The following PCDHGC3 variants were observed in gnomAD, a reference collection of about 807,000 sequenced individuals.
PCDHGC3 encodes protocadherin gamma subfamily C, 3.
PCDHGC3 carries 26 observed loss-of-function variants against 59.2 expected under a neutral mutation model. The observed-to-expected ratio is 0.44, with a 90% CI of 0.32 to 0.61. The LOEUF (loss-of-function observed/expected upper bound fraction) is 0.61. Among genes scored for constraint, PCDHGC3 ranks in the 20% least tolerant of loss-of-function variants. The pLI, the probability that PCDHGC3 is intolerant of heterozygous loss-of-function variation, is 0.05. For missense variants in PCDHGC3, 1,080 were observed against 1,221.8 expected (o/e 0.88, Z 1.73); for synonymous variants, 487 against 519.7 (o/e 0.94, Z 0.86).
At position 141,511,916 on chromosome 5, in the gene PCDHGC3, C is replaced by T. The variant is rs2099884006; in HGVS notation, c.*743C>T. ...CCACCTCCTCCTCAAACAAGAGACT[C>T]CACTGCATGTTCCAAGACAGTATGG... On this transcript the variant is annotated 3_prime_UTR_variant, in exon 4 of 4. Coordinates refer to ENST00000308177, the MANE Select transcript of PCDHGC3 (RefSeq NM_002588.4). The T allele has an allele frequency of 6.4e-6, 1 of 156,466 alleles. No individual in the cohort carries two copies. The highest frequency in any genetic ancestry group is 2.4e-5 in the African/African-American group (1 of 41,474). The allele number at this position is 156,466 out of a possible 1,614,324, so 9.7% of individuals were successfully genotyped here.
intron 2 of PCDHGC3, among the ~76,000 whole-genome samples, chr5:141,502,829 C>A (rs1034808123): frequency 2.0e-5 from 3 of 150,428 alleles, no homozygotes; most frequent in African/African-American, 7.4e-5. Context: ...CTTGGGGAAG[C>A]CTGGACTGGC....
chr5:141,476,000 T>A lies in PCDHGC3; in HGVS notation c.-117T>A, dbSNP rs2099383773. ...ACAGCCGGCGAGCAAATCAACGGCA[T>A]CCAGAAAGCCATGTCGGACTCGGCG... is the stretch of plus-strand genomic sequence containing the variant. On this transcript the variant is annotated 5_prime_UTR_variant, in exon 1 of 4. Coordinates refer to ENST00000308177, the MANE Select transcript of PCDHGC3 (RefSeq NM_002588.4). The A allele has an allele frequency of 1.6e-6, 2 of 1,225,380 alleles. No individual in the cohort carries two copies. The highest frequency in any genetic ancestry group is 1.5e-5 in the African/African-American group (1 of 66,330). The allele number at this position is 1,225,380 out of a possible 1,614,324, so 75.9% of individuals were successfully genotyped here.
chr5:141,505,468 G>A lies in PCDHGC3; in HGVS notation c.2565G>A (p.Leu855=). 1 of 1,614,212 alleles carries A rather than the reference G, an allele frequency of 6.2e-7. No homozygotes were observed. Among genetic ancestry groups the A allele is most frequent in the Non-Finnish European group, 8.5e-7 (1 of 1,180,020 alleles). The change falls in exon 3 of 4, where the codon TTG becomes TTA. Residue 855 remains leucine (L), a synonymous_variant. Coordinates refer to ENST00000308177, the MANE Select transcript of PCDHGC3 (RefSeq NM_002588.4). The stretch of plus-strand genomic sequence containing the variant: ...CAGAGATGCTGCAAGCCATGATCTT[G>A]GCGTCCGCCAGTGGTAAGTGGTGTC... The part of the protein sequence containing the change: ...FDTEMLQAMI[L]ASASEAADGS...
chr5:141,489,594 T>A lies in PCDHGC3; in HGVS notation c.2431-5213T>A. The A allele has an allele frequency of 2.5e-6, 4 of 1,614,076 alleles. No homozygotes were observed. Among genetic ancestry groups the A allele is most frequent in the Non-Finnish European group, 3.4e-6 (4 of 1,179,982 alleles). ...CTGAACACCCCCTGGAGCTAATCCG[T>A]GTAGAGGTAGAGATCCTGGATCTCA... On this transcript the variant is annotated intron_variant, in intron 1 of 3. Coordinates refer to ENST00000308177, the MANE Select transcript of PCDHGC3 (RefSeq NM_002588.4). This position sits in a 1 kb window ranked among gnomAD's most constrained non-coding sequence, Gnocchi z 4.5.
chr5:141,509,872 G>T (rs968745661), intron 3 of PCDHGC3, among the ~76,000 whole-genome samples: 16 of 152,166 alleles, frequency 1.1e-4, no homozygotes, highest in Non-Finnish European at 1.5e-5. Context: ...CCAAGCTGCT[G>T]GTGGTGATGG....
In PCDHGC3 at chr5:141,489,432, G is replaced by A. The variant is rs2099687138; in HGVS notation, c.2431-5375G>A. ...TGACAGATCTGTTGAGCCGGCGGCTGCAATTGGGCTCTGAGGAGAATGGGC... is the reference window on the plus strand; with the variant it reads ...TGACAGATCTGTTGAGCCGGCGGCTACAATTGGGCTCTGAGGAGAATGGGC... On this transcript the variant is annotated intron_variant, in intron 1 of 3. Transcript: ENST00000308177. The surrounding 1 kb of genome is among the most constrained non-coding windows in gnomAD (Gnocchi z 4.5). 3.1e-6 allele frequency: 5 copies of A among 1,614,166 alleles called. No individual in the cohort carries two copies. Among genetic ancestry groups the A allele is most frequent in the Non-Finnish European group, 4.2e-6 (5 of 1,180,036 alleles).
At chr5:141,506,444 CAAAAAAAA>C (rs1219684339) in intron 3 of PCDHGC3, among the ~76,000 whole-genome samples, 24 of 95,024 alleles carry the variant, frequency 2.5e-4, no homozygotes, top group African/African-American at 9.5e-4. Flanking sequence ...CGCTCTGTCT[CAAAAAAAA>C]AAAAAAAAAA....
intron 1 of PCDHGC3, chr5:141,478,935 A>G: frequency 1.6e-6 from 1 of 638,574 alleles, no homozygotes. Flanking sequence ...GGCAGCTTCT[A>G]GGAATACAAA....
Position 141,485,626 on chromosome 5 carries a change from T to A in PCDHGC3, c.2430+7080T>A, listed in dbSNP as rs2099616815. 6.2e-7 allele frequency: 1 copy of A among 1,611,740 alleles called. No individual in the cohort carries two copies. On this transcript the variant is annotated intron_variant, in intron 1 of 3. Coordinates refer to ENST00000308177, the MANE Select transcript of PCDHGC3 (RefSeq NM_002588.4). This position sits in a 1 kb window ranked among gnomAD's most constrained non-coding sequence, Gnocchi z 5.7. Reference sequence around the variant, plus strand: ...GGGAGGCAGCTCCTCCAGGACAGCGTTTCCCGTTGGAAAAGGCTCAGGATG... The same window carrying A: ...GGGAGGCAGCTCCTCCAGGACAGCGATTCCCGTTGGAAAAGGCTCAGGATG...
rs763097687 is a variant in PCDHGC3 at position 141,489,361 on chromosome 5, C to G, written c.2431-5446C>G. On this transcript the variant is annotated intron_variant, in intron 1 of 3. Transcript: ENST00000308177. This position sits in a 1 kb window ranked among gnomAD's most constrained non-coding sequence, Gnocchi z 4.5. Reference sequence around the variant, plus strand: ...TTACTCAGTGGTGGAGGAGTCTGAGCCGGGGACGCTGGTGGGGAATGTTGC... The same window carrying G: ...TTACTCAGTGGTGGAGGAGTCTGAGGCGGGGACGCTGGTGGGGAATGTTGC... 6.2e-7 allele frequency: 1 copy of G among 1,612,762 alleles called. No homozygotes were observed. Among genetic ancestry groups the G allele is most frequent in the African/African-American group, 1.3e-5 (1 of 74,874 alleles).
Position 141,489,552 on chromosome 5 carries a change from G to T in PCDHGC3, c.2431-5255G>T, listed in dbSNP as rs2099688780. ...GTGGAGCCAGCACCAGCTGCCTGCTGCCAGTGCAGGTGGTGACTGAACACC... is the reference window on the plus strand; with the variant it reads ...GTGGAGCCAGCACCAGCTGCCTGCTTCCAGTGCAGGTGGTGACTGAACACC... On this transcript the variant is annotated intron_variant, in intron 1 of 3. Coordinates refer to ENST00000308177, the MANE Select transcript of PCDHGC3 (RefSeq NM_002588.4). The surrounding 1 kb of genome is among the most constrained non-coding windows in gnomAD (Gnocchi z 4.5). The T allele has an allele frequency of 6.2e-7, 1 of 1,613,988 alleles. No homozygotes were observed. The highest frequency in any genetic ancestry group is 1.7e-5 in the Admixed American group (1 of 60,000).
chr5:141,498,523 G>A (rs555386753), intron 2 of PCDHGC3, among the ~76,000 whole-genome samples: 1 of 151,580 alleles, frequency 6.6e-6, no homozygotes, highest in Admixed American at 6.6e-5. Context: ...CTTGCCCACT[G>A]CCCTCCAGCC....
Position 141,489,629 on chromosome 5 carries a change from C to G in PCDHGC3, c.2431-5178C>G. 6.2e-7 allele frequency: 1 copy of G among 1,614,142 alleles called. No individual in the cohort carries two copies. The highest frequency in any genetic ancestry group is 8.5e-7 in the Non-Finnish European group (1 of 1,180,014). On this transcript the variant is annotated intron_variant, in intron 1 of 3. Coordinates refer to ENST00000308177, the MANE Select transcript of PCDHGC3 (RefSeq NM_002588.4). The surrounding 1 kb of genome is among the most constrained non-coding windows in gnomAD (Gnocchi z 4.5). Reference sequence around the variant, plus strand: ...GAGATCCTGGATCTCAATGACAACTCTCCTAGCTTTGCCACCCCTGAGCGA... The same window carrying G: ...GAGATCCTGGATCTCAATGACAACTGTCCTAGCTTTGCCACCCCTGAGCGA...
Position 141,491,529 on chromosome 5 carries a change from G to T in PCDHGC3, c.2431-3278G>T, listed in dbSNP as rs1157770121. ...GCACGCTCAAGTACATGGAGGTGAC[G>T]CTGCGGCCCACAGACTCGCAGAGCC... On this transcript the variant is annotated intron_variant, in intron 1 of 3. Transcript: ENST00000308177. This position sits in a 1 kb window ranked among gnomAD's most constrained non-coding sequence, Gnocchi z 6.9. The T allele has an allele frequency of 6.2e-7, 1 of 1,614,040 alleles. No individual in the cohort carries two copies. The highest frequency in any genetic ancestry group is 1.1e-5 in the South Asian group (1 of 91,080).
At chr5:141,484,620 C>G (rs536622819) in intron 1 of PCDHGC3, among the ~76,000 whole-genome samples, 25 of 151,974 alleles carry the variant, frequency 1.6e-4, no homozygotes, top group African/African-American at 6.0e-4. Flanking sequence ...ACAACACTGG[C>G]TTGAACAAAG....
At chr5:141,499,168 C>T (rs1169979036) in intron 2 of PCDHGC3, among the ~76,000 whole-genome samples, 3 of 152,184 alleles carry the variant, frequency 2.0e-5, no homozygotes, top group African/African-American at 7.2e-5. Context: ...GTCTCAAGCT[C>T]TGAGCCCAGC....
In PCDHGC3 at chr5:141,477,097, G is replaced by A; in HGVS notation, c.981G>A (p.Lys327=). ...AGATTTACATCCAGGCCAAAGACAAGGGCGCCAATCCCGAAGGAGCACATT... is the reference window on the plus strand; with the variant it reads ...AGATTTACATCCAGGCCAAAGACAAAGGCGCCAATCCCGAAGGAGCACATT... The part of the protein sequence containing the change: ...LHEIYIQAKD[K]GANPEGAHCK... Residue 327 remains lysine, a synonymous_variant, in exon 1 of 4, where the codon AAG becomes AAA. Transcript: ENST00000308177. This position sits in a 1 kb window ranked among gnomAD's most constrained non-coding sequence, Gnocchi z 4.9. 1 of 1,614,242 alleles carries A rather than the reference G, an allele frequency of 6.2e-7. No homozygotes were observed. Among genetic ancestry groups the A allele is most frequent in the South Asian group, 1.1e-5 (1 of 91,088 alleles).
intron 3 of PCDHGC3, among the ~76,000 whole-genome samples, chr5:141,506,429 A>G (rs1406730781): frequency 7.0e-6 from 1 of 143,144 alleles, no homozygotes; most frequent in Non-Finnish European, 1.5e-5. Flanking sequence ...CCTGGGCAAC[A>G]GTCTCGCTCT....
chr5:141,486,105 A>C lies in PCDHGC3; in HGVS notation c.2430+7559A>C. The stretch of plus-strand genomic sequence containing the variant: ...ACTCTTTTGGGGCCCCTAGACTTTG[A>C]GAGTGAGAATTACTATGAATTTGAT... On this transcript the variant is annotated intron_variant, in intron 1 of 3. Transcript: ENST00000308177. This position sits in a 1 kb window ranked among gnomAD's most constrained non-coding sequence, Gnocchi z 5.0. The C allele has an allele frequency of 1.2e-6, 2 of 1,614,138 alleles. No individual in the cohort carries two copies. The highest frequency in any genetic ancestry group is 1.7e-6 in the Non-Finnish European group (2 of 1,180,016).
Sources: gnomAD v4.1 joint callset for allele counts (sites outside exome capture counted in the v4.1 genomes callset) on GRCh38, gnomAD v4.1.1 for gene constraint, Gnocchi (gnomAD v3.1) non-coding constraint, MANE v1.5 for transcripts, NCBI Gene and HGNC (gene_info 2026-07-23, HGNC 2026-07-21) for gene names.